KCNQ5: variants seen among roughly 807,000 people sequenced by gnomAD.
The protein encoded by KCNQ5 is potassium voltage-gated channel subfamily KQT member 5.
KCNQ5 carries 30 observed loss-of-function variants against 98.2 expected under a neutral mutation model. The observed-to-expected ratio is 0.31, with a 90% CI of 0.23 to 0.41. KCNQ5 has a LOEUF of 0.41. Among genes scored for constraint, KCNQ5 ranks in the 10% least tolerant of loss-of-function variants. KCNQ5 has a pLI of 1.00. For missense variants in KCNQ5, 835 were observed against 1,182.5 expected, an observed-to-expected ratio of 0.71 and a Z score of 4.31; for synonymous variants, 458 against 449.4, an observed-to-expected ratio of 1.02 and a Z score of -0.24.
intron 1 of KCNQ5, among the ~76,000 whole-genome samples, chr6:72,774,328 T>C (rs1435055504): frequency 6.6e-6 from 1 of 152,110 alleles, no homozygotes; most frequent in Non-Finnish European, 1.5e-5. Context: ...CCAATAAAAC[T>C]TTATTTATAA....
At chr6:72,676,674 C>G (rs1027817858) in intron 1 of KCNQ5, among the ~76,000 whole-genome samples, 1 of 152,184 alleles carries the variant, frequency 6.6e-6, no homozygotes, top group African/African-American at 2.4e-5. Flanking sequence ...AATGCTGTCA[C>G]TTCTCCTTGT....
Position 72,940,214 on chromosome 6 carries a change from G to T in KCNQ5, c.399-63694G>T, listed in dbSNP as rs528215108. On this transcript the variant is annotated intron_variant, in intron 1 of 13. Transcript: ENST00000370398. Reference sequence around the variant, plus strand: ...TTTGAAGCAGAACCAGAAAGGGCCTGCCTATTCCCAAAAAGAAGATTTAAT... The same window carrying T: ...TTTGAAGCAGAACCAGAAAGGGCCTTCCTATTCCCAAAAAGAAGATTTAAT... Among the ~76,000 whole-genome samples the T allele has an allele frequency of 5.5e-4, 84 of 152,240 alleles. No homozygotes were observed. The Middle Eastern group carries it at 0.01, about 18-fold the overall frequency.
intron 1 of KCNQ5, among the ~76,000 whole-genome samples, chr6:72,736,096 C>A (rs1561950627): frequency 6.6e-6 from 1 of 151,778 alleles, no homozygotes. Context: ...CACACACACA[C>A]ACACACACAC....
chr6:72,773,642 T>C (rs1773019776), intron 1 of KCNQ5, among the ~76,000 whole-genome samples: 1 of 152,170 alleles, frequency 6.6e-6, no homozygotes, highest in Non-Finnish European at 1.5e-5. Flanking sequence ...ATAGATGCTA[T>C]TCACTTGTCT....
At chr6:72,784,788 A>G (rs1773652271) in intron 1 of KCNQ5, among the ~76,000 whole-genome samples, 3 of 152,186 alleles carry the variant, frequency 2.0e-5, no homozygotes, top group South Asian at 4.1e-4. Context: ...TTTGGCCAGA[A>G]CTGAGTCATG....
chr6:72,866,255 T>TC (rs1180502221), intron 1 of KCNQ5, among the ~76,000 whole-genome samples: 3 of 143,156 alleles, frequency 2.1e-5, no homozygotes, highest in African/African-American at 8.1e-5. Flanking sequence ...CATCTCCCTT[T>TC]TTTTTTTTTT....
intron 11 of KCNQ5, among the ~76,000 whole-genome samples, chr6:73,178,007 T>C (rs1310314329): frequency 6.6e-6 from 1 of 152,222 alleles, no homozygotes; most frequent in African/African-American, 2.4e-5. Context: ...TTTTCTATTA[T>C]TTGCTAAAAA....
rs1776320287 is a variant in KCNQ5, at chr6:73,133,431, A to G, written c.1258A>G (p.Ser420Gly). ...QGEASSSQKL[S>G]FKERVRMASP... The stretch of plus-strand genomic sequence containing the variant: ...CTCTGTTCTCCACAGTCAGAAGCTA[A>G]GTTTTAAGGAGCGAGTGCGCATGGC... Residue 420 changes from serine to glycine, a missense_variant, in exon 10 of 14, where the codon AGT (serine) becomes GGT (glycine). By Grantham distance (56) the Ser-to-Gly change is moderately conservative. Around this residue, in one of 10 missense-constraint regions of KCNQ5, gnomAD observed 146 missense variants for 256.7 expected, o/e 0.57. Transcript: ENST00000370398. The G allele has an allele frequency of 6.2e-7, 1 of 1,613,998 alleles. No homozygotes were observed. The highest frequency in any genetic ancestry group is 8.5e-7 in the Non-Finnish European group (1 of 1,179,984).
chr6:72,853,714 C>T (rs1376338928), intron 1 of KCNQ5, among the ~76,000 whole-genome samples: 1 of 152,158 alleles, frequency 6.6e-6, no homozygotes, highest in East Asian at 1.9e-4. Flanking sequence ...TGAAGCTTAA[C>T]AGGCACTGAA....
At chr6:72,931,482 A>G (rs902883400) in intron 1 of KCNQ5, among the ~76,000 whole-genome samples, 36 of 152,298 alleles carry the variant, frequency 2.4e-4, no homozygotes, top group African/African-American at 5.5e-4. Flanking sequence ...GAGGTCTTTT[A>G]AAGATCCTAA....
chr6:72,742,274 G>A (rs1349962169), intron 1 of KCNQ5, among the ~76,000 whole-genome samples: 5 of 152,148 alleles, frequency 3.3e-5, no homozygotes, highest in East Asian at 1.9e-4. Flanking sequence ...TTCAAGGATC[G>A]CCACATAATT....
chr6:72,783,075 C>G (rs1384995510), intron 1 of KCNQ5, among the ~76,000 whole-genome samples: 2 of 152,080 alleles, frequency 1.3e-5, no homozygotes, highest in African/African-American at 4.8e-5. Context: ...GAGTTAGCTT[C>G]AAGTCTTCAG....
chr6:72,939,860 C>T (rs1891394), intron 1 of KCNQ5, among the ~76,000 whole-genome samples: 70,743 of 151,924 alleles, frequency 0.47, 16,686 homozygotes, highest in East Asian at 0.65. Flanking sequence ...TTTCTTTTCA[C>T]GTCTATGAAG....
At chr6:73,155,360 G>A (rs954581367) in intron 10 of KCNQ5, among the ~76,000 whole-genome samples, 9 of 152,180 alleles carry the variant, frequency 5.9e-5, no homozygotes, top group Non-Finnish European at 1.2e-4. Flanking sequence ...ATTATAATCT[G>A]CCCACCACAA....
intron 10 of KCNQ5, among the ~76,000 whole-genome samples, chr6:73,168,127 G>A (rs1016195116): frequency 3.3e-5 from 5 of 152,056 alleles, no homozygotes; most frequent in East Asian, 1.9e-4. Context: ...ATCTCTTCCC[G>A]CACCACCGCC....
At chr6:72,741,790 C>T (rs1443012815) in intron 1 of KCNQ5, among the ~76,000 whole-genome samples, 1 of 152,018 alleles carries the variant, frequency 6.6e-6, no homozygotes, top group East Asian at 1.9e-4. Flanking sequence ...AAAAACAAAA[C>T]CCAGGCAAAC....
At chr6:72,832,087 G>A (rs1390869979) in intron 1 of KCNQ5, among the ~76,000 whole-genome samples, 1 of 152,142 alleles carries the variant, frequency 6.6e-6, no homozygotes, top group Non-Finnish European at 1.5e-5. Flanking sequence ...GCAGGTAGCA[G>A]GAAAGACAGA....
At chr6:73,012,586 A>C (rs1770119521) in intron 2 of KCNQ5, among the ~76,000 whole-genome samples, 1 of 152,120 alleles carries the variant, frequency 6.6e-6, no homozygotes, top group Admixed American at 6.6e-5. Context: ...ATTTAATACC[A>C]CACTGAACCA....
chr6:73,023,465 G>A (rs11963228), intron 2 of KCNQ5, among the ~76,000 whole-genome samples: 96,373 of 152,032 alleles, frequency 0.63, 34,669 homozygotes, highest in Non-Finnish European at 0.8. Flanking sequence ...AAGGGAACTC[G>A]TGAGGTGGAG....
Sources: gnomAD v4.1 joint callset for allele counts (sites outside exome capture counted in the v4.1 genomes callset) on GRCh38, gnomAD v4.1.1 for gene constraint, gnomAD v4.1.1 regional missense constraint, MANE v1.5 for transcripts, NCBI Gene and HGNC (gene_info 2026-07-23, HGNC 2026-07-21) for gene names.